Variants in SMARCA4 observed in about 807,000 individuals in gnomAD.
SMARCA4 encodes the protein SWI/SNF related BAF chromatin remodeling complex subunit ATPase 4, also known as SWI/SNF-related matrix-associated actin-dependent regulator of chromatin subfamily A member 4.
Under a neutral mutation model 193.9 loss-of-function variants are expected in SMARCA4, and 31 were observed. That is an observed-to-expected ratio of 0.16 (90% CI 0.12 to 0.22). The LOEUF is 0.22. SMARCA4 is among the 10% of genes least tolerant of loss of function. The pLI is 1.00. For synonymous variants in SMARCA4, 942 were observed against 933.1 expected, an observed-to-expected ratio of 1.01 and a Z score of -0.17; for missense variants, 1,148 against 2,296.0, an observed-to-expected ratio of 0.50 and a Z score of 10.22.
chr19:11,050,092 G>A (rs746910243), intron 30 of SMARCA4, among the ~76,000 whole-genome samples: 5 of 152,128 alleles, frequency 3.3e-5, no homozygotes, highest in African/African-American at 7.2e-5. Flanking sequence ...GTGAGACTAC[G>A]TCTCAAAAAA....
At chr19:10,991,815 G>T (rs986718309) in intron 8 of SMARCA4, among the ~76,000 whole-genome samples, 1 of 152,110 alleles carries the variant, frequency 6.6e-6, no homozygotes, top group Non-Finnish European at 1.5e-5. Flanking sequence ...GGAAGGGAGC[G>T]CAGGGAGGTG....
At chr19:11,006,751 A>T (rs2088244789) in intron 13 of SMARCA4, among the ~76,000 whole-genome samples, 2 of 152,086 alleles carry the variant, frequency 1.3e-5, no homozygotes, top group South Asian at 4.2e-4. Context: ...GTCTACTTCT[A>T]ATTAGTAATG....
chr19:11,059,708 C>G, intron 32 of SMARCA4, 45 bp from the exon 33 acceptor site: 1 of 1,549,870 alleles, frequency 6.5e-7, no homozygotes, highest in Non-Finnish European at 8.7e-7. Context: ...GCAGGCAGCC[C>G]TCCAGTCGGG....
rs551217010 is a variant in SMARCA4 at position 11,039,440 on chromosome 19, TA to T, written c.4171-1861del. 8.8e-5 allele frequency: 135 copies of T among 1,541,426 alleles called. No homozygotes were observed. In the African/African-American group the frequency reaches 1.7e-3, roughly 19 times the overall value. ...GTGCACTGAAACACTAAACAGACAT[TA>T]AAAAATTTTGTTGTAGAAAATTACA... On this transcript the variant is annotated intron_variant, in intron 29 of 34. Transcript: ENST00000344626.
rs1236470526 is a variant in SMARCA4, at chr19:11,030,981, A to T, written c.3546+88A>T. 3.2e-6 allele frequency: 4 copies of T among 1,234,070 alleles called. No individual in the cohort carries two copies. Among genetic ancestry groups the T allele is most frequent in the Non-Finnish European group, 4.6e-6 (4 of 866,214 alleles). The allele number at this position is 1,234,070 out of a possible 1,614,324, so 76.4% of individuals were successfully genotyped here. On this transcript the variant is annotated intron_variant, in intron 25 of 34. Coordinates refer to ENST00000344626, the MANE Select transcript of SMARCA4 (RefSeq NM_003072.5). This position sits in a 1 kb window ranked among gnomAD's most constrained non-coding sequence, Gnocchi z 5.5. ...GACGGCCCTGGCTTGAGGGTCCTCC[A>T]GCCTCCTCCACATTGTCTTGGACCC...
chr19:10,989,148 G>A (rs1252932679), intron 6 of SMARCA4, among the ~76,000 whole-genome samples, 169 bp from the exon 7 acceptor site: 2 of 152,188 alleles, frequency 1.3e-5, no homozygotes, highest in Non-Finnish European at 2.9e-5. Context: ...GAGTGCCCCG[G>A]GCTATCTCCC....
chr19:10,976,112 C>T (rs537759168), intron 1 of SMARCA4, among the ~76,000 whole-genome samples: 2 of 152,278 alleles, frequency 1.3e-5, no homozygotes, highest in African/African-American at 4.8e-5. Flanking sequence ...CCGTGTAAGA[C>T]ACCTTAGGGA....
chr19:11,038,062 G>A (rs532863890), intron 29 of SMARCA4, among the ~76,000 whole-genome samples: 4 of 152,314 alleles, frequency 2.6e-5, no homozygotes, highest in Admixed American at 6.5e-5. Flanking sequence ...GGCCGCCATC[G>A]GACATGGCCA....
At chr19:11,022,162 A>T (rs1423783745) in intron 19 of SMARCA4, among the ~76,000 whole-genome samples, 195 bp downstream of exon 19, 5 of 152,200 alleles carry the variant, frequency 3.3e-5, no homozygotes, top group African/African-American at 9.7e-5. Context: ...AGCAGGGCAG[A>T]GGTCATGGTG....
intron 6 of SMARCA4, 119 bp from the exon 7 acceptor site, chr19:10,989,198 A>G: frequency 7.9e-7 from 1 of 1,272,620 alleles, no homozygotes; most frequent in Non-Finnish European, 1.1e-6. Flanking sequence ...CTTCTGAGGC[A>G]TCTCTTGCCT....
chr19:11,043,148 G>A (rs868482399), intron 30 of SMARCA4, among the ~76,000 whole-genome samples: 15 of 152,088 alleles, frequency 9.9e-5, no homozygotes, highest in African/African-American at 2.2e-4. Flanking sequence ...AAAATTCGCC[G>A]AGCGTAGTGG....
intron 14 of SMARCA4, among the ~76,000 whole-genome samples, chr19:11,008,697 G>A (rs931522577): frequency 6.6e-6 from 1 of 152,150 alleles, no homozygotes; most frequent in Non-Finnish European, 1.5e-5. Flanking sequence ...GTGAGGGCTG[G>A]GCGTGGTGGC....
Position 10,970,704 on chromosome 19 carries a change from G to A in SMARCA4, c.-32+9530G>A, listed in dbSNP as rs542757330. Among the ~76,000 whole-genome samples, 11 of 152,302 alleles carry A rather than the reference G, an allele frequency of 7.2e-5. 1 individual carries two copies. The highest frequency in any genetic ancestry group is 7.2e-4 in the Admixed American group (11 of 15,282). ...TTAGGTGAGCCCACTGCATCTGGCC[G>A]ATAAAGTCCTTAACTTGTGGGAGAT... On this transcript the variant is annotated intron_variant, in intron 1 of 34. Transcript: ENST00000344626.
intron 7 of SMARCA4, among the ~76,000 whole-genome samples, chr19:10,989,806 A>G (rs558714755): frequency 3.4e-4 from 51 of 151,622 alleles, no homozygotes; most frequent in East Asian, 5.8e-4. Context: ...GGATCAAGCA[A>G]TTCTTCTGCT....
intron 1 of SMARCA4, among the ~76,000 whole-genome samples, chr19:10,973,859 C>T (rs1311785694): frequency 1.3e-5 from 2 of 152,130 alleles, no homozygotes; most frequent in East Asian, 1.9e-4. Flanking sequence ...CGTGAGCCAC[C>T]GCGCCCGGCC....
chr19:10,983,131 G>A (rs1411337365), intron 1 of SMARCA4, among the ~76,000 whole-genome samples: 2 of 152,276 alleles, frequency 1.3e-5, no homozygotes, highest in East Asian at 1.9e-4. Flanking sequence ...TTCAGCCAGC[G>A]AGGGCCTTCA....
At position 11,031,119 on chromosome 19, in the gene SMARCA4, G is replaced by C; in HGVS notation, c.3546+226G>C. 1.7e-6 allele frequency: 1 copy of C among 583,042 alleles called. No homozygotes were observed. The allele number at this position is 583,042 out of a possible 1,614,324, so 36.1% of individuals were successfully genotyped here. A position where few individuals can be genotyped will look rare whatever the true frequency, so the allele number is the denominator to read the frequency against. ...GCCTTTCCCTCTGATTGGGAAAGCAGTGTATAAGCCATCCGTCGGTTTGGT... is the reference window on the plus strand; with the variant it reads ...GCCTTTCCCTCTGATTGGGAAAGCACTGTATAAGCCATCCGTCGGTTTGGT... On this transcript the variant is annotated intron_variant, in intron 25 of 34. Coordinates refer to ENST00000344626, the MANE Select transcript of SMARCA4 (RefSeq NM_003072.5). The surrounding 1 kb of genome is among the most constrained non-coding windows in gnomAD (Gnocchi z 4.3).
At chr19:11,000,607 G>A (rs529324872) in intron 11 of SMARCA4, among the ~76,000 whole-genome samples, 1 of 152,172 alleles carries the variant, frequency 6.6e-6, no homozygotes, top group South Asian at 2.1e-4. Context: ...TGGGCCAGGT[G>A]CGGTGGCTCA....
chr19:10,987,928 AG>A lies in SMARCA4; in HGVS notation c.1118+7del, dbSNP rs774132615. 2.7e-5 allele frequency: 43 copies of A among 1,612,170 alleles called. No individual in the cohort carries two copies. The highest frequency in any genetic ancestry group is 3.6e-5 in the Non-Finnish European group (42 of 1,179,860). ...TCCTGCAGGAGCGCGAGTACAGGTG[AG>A]GGCGGGGCCCAGTTGCCAAGGTCAC... On this transcript the variant is annotated splice_donor_5th_base_variant and intron_variant, in intron 6 of 34. Coordinates refer to ENST00000344626, the MANE Select transcript of SMARCA4 (RefSeq NM_003072.5). The surrounding 1 kb of genome is among the most constrained non-coding windows in gnomAD (Gnocchi z 5.3).
Sources: gnomAD v4.1 joint callset for allele counts (sites outside exome capture counted in the v4.1 genomes callset) on GRCh38, gnomAD v4.1.1 for gene constraint, Gnocchi (gnomAD v3.1) non-coding constraint, MANE v1.5 for transcripts, NCBI Gene and HGNC (gene_info 2026-07-23, HGNC 2026-07-21) for gene names.